TFDP1: variants seen among roughly 807,000 people sequenced by gnomAD.
TFDP1 encodes DRTF1-polypeptide 1.
TFDP1 carries 6 observed loss-of-function variants against 48.0 expected under a neutral mutation model. That is an observed-to-expected ratio of 0.13 (90% confidence interval 0.07 to 0.25). The LOEUF is 0.25. Ranked by LOEUF, TFDP1 falls within the 10% of genes least tolerant of loss-of-function variation. The probability of loss-of-function intolerance (pLI) is 1.00; values close to 1 mark genes in which losing one functional copy is unlikely to be tolerated. For missense variants in TFDP1, 335 were observed against 543.0 expected (o/e 0.62, Z 3.81); for synonymous variants, 201 against 211.6 (o/e 0.95, Z 0.44).
intron 2 of TFDP1, among the ~76,000 whole-genome samples, chr13:113,605,987 G>A (rs1248333157): frequency 6.8e-5 from 10 of 147,706 alleles, no homozygotes; most frequent in Non-Finnish European, 9.0e-5. Flanking sequence ...GGAAGGCGGC[G>A]TGGTGGTGAG....
intron 2 of TFDP1, among the ~76,000 whole-genome samples, chr13:113,610,208 G>A (rs1368642214): frequency 2.7e-5 from 4 of 150,542 alleles, no homozygotes; most frequent in East Asian, 2.0e-4. Flanking sequence ...GTACCGTTAT[G>A]CGTGTGTGTC....
intron 11 of TFDP1, among the ~76,000 whole-genome samples, chr13:113,638,782 A>G (rs1364177297): frequency 6.6e-6 from 1 of 152,264 alleles, no homozygotes; most frequent in Non-Finnish European, 1.5e-5. Flanking sequence ...GTAAATATTA[A>G]CAAAACAATG....
Position 113,596,323 on chromosome 13 carries a change from A to G in TFDP1, c.12+10474A>G, listed in dbSNP as rs2048288549. ...TTGAGGTCATATGTCTTACCCAGTT[A>G]TTGACTCTTGGAGGCCATTCCTGCT... On this transcript the variant is annotated intron_variant, in intron 2 of 11. Transcript: ENST00000375370. Among the ~76,000 whole-genome samples the G allele has an allele frequency of 2.6e-5, 4 of 152,194 alleles. No individual in the cohort carries two copies. In the South Asian group the frequency reaches 8.3e-4, roughly 31 times the overall value.
At chr13:113,613,442 A>C (rs1324132481) in intron 3 of TFDP1, among the ~76,000 whole-genome samples, 1 of 152,220 alleles carries the variant, frequency 6.6e-6, no homozygotes, top group Non-Finnish European at 1.5e-5. Context: ...ACCAATGTTC[A>C]CTTCCGGTGT....
intron 2 of TFDP1, among the ~76,000 whole-genome samples, chr13:113,597,289 A>G (rs1460375392): frequency 1.3e-5 from 2 of 152,240 alleles, no homozygotes; most frequent in Non-Finnish European, 2.9e-5. Context: ...TATGATAAAT[A>G]AATAGATGAA....
intron 4 of TFDP1, among the ~76,000 whole-genome samples, chr13:113,630,066 G>A (rs1594521743): frequency 6.6e-6 from 1 of 152,154 alleles, no homozygotes; most frequent in Admixed American, 6.5e-5. Context: ...GTAGGAAGCC[G>A]TGCGGGGCCA....
intron 5 of TFDP1, among the ~76,000 whole-genome samples, chr13:113,632,754 C>A (rs1010889465): frequency 2.0e-5 from 3 of 152,156 alleles, no homozygotes; most frequent in Non-Finnish European, 4.4e-5. Context: ...CTCCAGCCCA[C>A]GACAGAGCGA....
At chr13:113,585,008 C>T (rs2047961356) in intron 1 of TFDP1, 120 bp downstream of exon 1, 1 of 146,264 alleles carries the variant, frequency 6.8e-6, no homozygotes, top group African/African-American at 2.5e-5. Flanking sequence ...CCCCGACCCG[C>T]GCCCTCCCGC....
chr13:113,628,154 G>C (rs1220674593), intron 4 of TFDP1, among the ~76,000 whole-genome samples: 1 of 151,750 alleles, frequency 6.6e-6, no homozygotes, highest in Non-Finnish European at 1.5e-5. Context: ...GTCTGGAGCC[G>C]TGTAAAGACT....
At position 113,633,016 on chromosome 13, in the gene TFDP1, CT is replaced by C; in HGVS notation, c.309-99del. 5 of 1,470,948 alleles carry C rather than the reference CT, an allele frequency of 3.4e-6. 1 individual carries two copies. The South Asian group carries it at 6.2e-5, about 18-fold the overall frequency. The allele number at this position is 1,470,948 out of a possible 1,614,324, so 91.1% of individuals were successfully genotyped here. ...CTGCTGCGCCCGTGGGACGTGGCCC[CT>C]TTTTGTGCAGCTCATTAGAGCTCTC... On this transcript the variant is annotated intron_variant, in intron 5 of 11. Transcript: ENST00000375370. The surrounding 1 kb of genome is among the most constrained non-coding windows in gnomAD (Gnocchi z 4.5).
chr13:113,623,420 G>A lies in TFDP1; in HGVS notation c.186+134G>A. ...GCAGCATGGGGCCTTTCCCTCATCA[G>A]GGAGCCCGTGGCCAGTGCTAGATTT... On this transcript the variant is annotated intron_variant, in intron 4 of 11. Transcript: ENST00000375370. This position sits in a 1 kb window ranked among gnomAD's most constrained non-coding sequence, Gnocchi z 5.2. The A allele has an allele frequency of 1.3e-6, 1 of 793,446 alleles. No homozygotes were observed. Among genetic ancestry groups the A allele is most frequent in the Non-Finnish European group, 2.0e-6 (1 of 499,250 alleles). The allele number at this position is 793,446 out of a possible 1,614,324, so 49.2% of individuals were successfully genotyped here.
chr13:113,633,755 G>A lies in TFDP1; in HGVS notation c.475-135G>A, dbSNP rs2140606959. 1.9e-6 allele frequency: 2 copies of A among 1,031,950 alleles called. No individual in the cohort carries two copies. The highest frequency in any genetic ancestry group is 2.3e-5 in the Admixed American group (1 of 42,850). 63.9% of individuals were successfully genotyped at this position (1,031,950 alleles called of 1,614,324 possible). ...GCCCTGCGTCATCTGTGGGGTGGGA[G>A]CGCTCCCTGAGGGCATGTTGGGGTG... On this transcript the variant is annotated intron_variant, in intron 6 of 11. Coordinates refer to ENST00000375370, the MANE Select transcript of TFDP1 (RefSeq NM_007111.5). The surrounding 1 kb of genome is among the most constrained non-coding windows in gnomAD (Gnocchi z 4.5).
intron 2 of TFDP1, among the ~76,000 whole-genome samples, chr13:113,593,080 C>T (rs1261812983): frequency 4.8e-4 from 67 of 138,648 alleles, no homozygotes; most frequent in Admixed American, 1.5e-3. Flanking sequence ...GTGGTGTGCG[C>T]GGGTCCTCAG....
intron 3 of TFDP1, among the ~76,000 whole-genome samples, chr13:113,616,768 C>T (rs546979305): frequency 2.0e-5 from 3 of 152,312 alleles, no homozygotes; most frequent in Non-Finnish European, 2.9e-5. Flanking sequence ...CCCCGACACA[C>T]GCACTGGTCT....
intron 2 of TFDP1, among the ~76,000 whole-genome samples, chr13:113,591,129 G>A (rs1437486135): frequency 6.6e-6 from 1 of 151,736 alleles, no homozygotes; most frequent in Non-Finnish European, 1.5e-5. Flanking sequence ...ATCACCTGAG[G>A]TCAGGAGTTC....
rs187030614 is a variant in TFDP1 at position 113,611,789 on chromosome 13, C to T, written c.79+727C>T. 2.2e-4 allele frequency among the ~76,000 whole-genome samples: 34 copies of T among 152,164 alleles called. No homozygotes were observed. In the East Asian group the frequency reaches 4.1e-3, roughly 18 times the overall value. On this transcript the variant is annotated intron_variant, in intron 3 of 11. Transcript: ENST00000375370. ...GCTGTGCTGTGTGGATCTGGGATTG[C>T]GTGCAGGGTAGTTCGTTGTGGTTTG...
intron 2 of TFDP1, among the ~76,000 whole-genome samples, chr13:113,604,817 C>T (rs1008108821): frequency 6.6e-6 from 1 of 152,152 alleles, no homozygotes; most frequent in South Asian, 2.1e-4. Flanking sequence ...GACGTTACAG[C>T]GGGGGTCTGG....
chr13:113,628,704 C>T (rs1187058531), intron 4 of TFDP1, among the ~76,000 whole-genome samples: 2 of 152,222 alleles, frequency 1.3e-5, no homozygotes, highest in South Asian at 2.1e-4. Flanking sequence ...GCTTCCAATA[C>T]CTCCTTTTTT....
chr13:113,611,818 C>T (rs933407825), intron 3 of TFDP1, among the ~76,000 whole-genome samples: 4 of 152,044 alleles, frequency 2.6e-5, no homozygotes, highest in Non-Finnish European at 5.9e-5. Context: ...TGGTTTGTTG[C>T]GATATTCCTG....
Sources: allele counts gnomAD v4.1 joint callset (sites outside exome capture counted in the v4.1 genomes callset), GRCh38; gene constraint gnomAD v4.1.1; non-coding constraint Gnocchi (gnomAD v3.1); transcripts MANE v1.5; gene names NCBI Gene and HGNC (gene_info 2026-07-23, HGNC 2026-07-21).